FAM107B: variants seen among roughly 807,000 people sequenced by gnomAD.
The protein encoded by FAM107B is protein FAM107B.
FAM107B carries 21 observed loss-of-function variants against 31.5 expected under a neutral mutation model. The ratio of observed to expected loss-of-function variants is 0.67; its 90% CI spans 0.47 to 0.96. The LOEUF (loss-of-function observed/expected upper bound fraction) is 0.96. Among genes scored for constraint, FAM107B ranks in the 40% least tolerant of loss-of-function variants. The pLI is 0.00. For synonymous variants in FAM107B, 157 were observed against 141.5 expected (o/e 1.11, Z -0.78); for missense variants, 452 against 377.1 (o/e 1.20, Z -1.64).
At chr10:14,712,626 A>AGAAGAAG (rs1554851692) in intron 1 of FAM107B, among the ~76,000 whole-genome samples, 2 of 146,852 alleles carry the variant, frequency 1.4e-5, no homozygotes, top group Non-Finnish European at 3.0e-5. Flanking sequence ...AACAAAAAAA[A>AGAAGAAG]AAGAAGAAGA....
In FAM107B at chr10:14,625,012, G is replaced by A. The variant is rs187145627; in HGVS notation, c.469+42622C>T. Among the ~76,000 whole-genome samples the A allele has an allele frequency of 6.5e-4, 99 of 152,198 alleles. 1 individual carries two copies. Among genetic ancestry groups the A allele is most frequent in the African/African-American group, 2.3e-3 (97 of 41,524 alleles). ...GGCCTAGGCAGGTGGATCACTTGAG[G>A]TCAGGAGTTTGAGACCAGCCTGGCC... is the stretch of plus-strand genomic sequence containing the variant. On this transcript the variant is annotated intron_variant, in intron 2 of 4. Coordinates refer to ENST00000181796, the MANE Select transcript of FAM107B (RefSeq NM_031453.4).
intron 2 of FAM107B, among the ~76,000 whole-genome samples, chr10:14,664,083 G>T (rs896434377): frequency 6.6e-6 from 1 of 152,028 alleles, no homozygotes; most frequent in Admixed American, 6.6e-5. Flanking sequence ...GATTCCTCCA[G>T]CTGGGTTTCT....
intron 2 of FAM107B, among the ~76,000 whole-genome samples, chr10:14,539,409 T>C (rs1847954249): frequency 6.6e-6 from 1 of 152,178 alleles, no homozygotes; most frequent in African/African-American, 2.4e-5. Context: ...TTCAGCCTTG[T>C]ACCTCCCCAA....
chr10:14,744,020 T>A (rs989048048), intron 1 of FAM107B, among the ~76,000 whole-genome samples: 1 of 152,218 alleles, frequency 6.6e-6, no homozygotes, highest in Non-Finnish European at 1.5e-5. Flanking sequence ...GTGTTCTCTC[T>A]GATTTCTTTG....
At chr10:14,698,643 A>G (rs1174179443) in intron 1 of FAM107B, among the ~76,000 whole-genome samples, 1 of 152,210 alleles carries the variant, frequency 6.6e-6, no homozygotes, top group Non-Finnish European at 1.5e-5. Flanking sequence ...CCAAGGTCCT[A>G]CAGCTGTGAC....
chr10:14,681,273 T>C (rs185372062), intron 1 of FAM107B, among the ~76,000 whole-genome samples: 7 of 152,288 alleles, frequency 4.6e-5, no homozygotes, highest in Non-Finnish European at 7.4e-5. Context: ...CAGGTGACAC[T>C]AGTACACACT....
At chr10:14,555,840 A>C (rs1471458219) in intron 2 of FAM107B, 1 of 152,082 alleles carries the variant, frequency 6.6e-6, no homozygotes, top group East Asian at 1.9e-4. Flanking sequence ...GGCCTAGGCA[A>C]TCAGAGGTCC....
At chr10:14,606,872 C>T (rs1207823927) in intron 2 of FAM107B, among the ~76,000 whole-genome samples, 3 of 152,334 alleles carry the variant, frequency 2.0e-5, no homozygotes, top group Non-Finnish European at 4.4e-5. Flanking sequence ...GCCTTCAGAA[C>T]TGTGGGAAAA....
At chr10:14,713,815 G>A (rs975724395) in intron 1 of FAM107B, among the ~76,000 whole-genome samples, 1 of 152,220 alleles carries the variant, frequency 6.6e-6, no homozygotes, top group Admixed American at 6.5e-5. Flanking sequence ...TTAGGAAAAT[G>A]TGGTACATAT....
chr10:14,556,794 G>T lies in FAM107B; in HGVS notation c.470-26279C>A, dbSNP rs189602404. Among the ~76,000 whole-genome samples, 9 of 152,256 alleles carry T rather than the reference G, an allele frequency of 5.9e-5. No homozygotes were observed. The East Asian group carries it at 1.2e-3, about 20-fold the overall frequency. ...AAGCAGGAAACGTGCACTAAGAATG[G>T]ACTTTCCCCCCATGGGATTGTCAGG... On this transcript the variant is annotated intron_variant, in intron 2 of 4. Coordinates refer to ENST00000181796, the MANE Select transcript of FAM107B (RefSeq NM_031453.4).
intron 2 of FAM107B, among the ~76,000 whole-genome samples, chr10:14,540,913 C>A (rs916974555): frequency 6.6e-6 from 1 of 152,216 alleles, no homozygotes; most frequent in African/African-American, 2.4e-5. Flanking sequence ...AGGGCCTACA[C>A]TGTAGCAGAA....
Position 14,582,374 on chromosome 10 carries a change from T to C in FAM107B, c.470-51859A>G, listed in dbSNP as rs561844945. ...CCATGTTTGTTTTTGTTTTTTCTTTTCTTTTTTTTTTTTTTTTTTTGAGAC... is the reference window on the plus strand; with the variant it reads ...CCATGTTTGTTTTTGTTTTTTCTTTCCTTTTTTTTTTTTTTTTTTTGAGAC... On this transcript the variant is annotated intron_variant, in intron 2 of 4. Transcript: ENST00000181796. Among the ~76,000 whole-genome samples, 333 of 97,626 alleles carry C rather than the reference T, an allele frequency of 3.4e-3. 2 individuals are homozygous for C. Among genetic ancestry groups the C allele is most frequent in the African/African-American group, 0.011 (326 of 28,866 alleles). The allele number at this position is 97,626 out of a possible 152,430, so 64.0% of individuals were successfully genotyped here. A position where few individuals can be genotyped will look rare whatever the true frequency, so the allele number is the denominator to read the frequency against.
At chr10:14,638,088 A>G (rs117631428) in intron 2 of FAM107B, among the ~76,000 whole-genome samples, 3,116 of 152,296 alleles carry the variant, frequency 0.02, 38 homozygotes, top group Non-Finnish European at 0.033. Context: ...ATACTCTCCC[A>G]ACTCAGATGG....
chr10:14,550,330 A>G (rs1161366131), intron 2 of FAM107B, among the ~76,000 whole-genome samples: 1 of 152,172 alleles, frequency 6.6e-6, no homozygotes, highest in African/African-American at 2.4e-5. Flanking sequence ...GAGAACAACC[A>G]CCACCTACCA....
chr10:14,723,685 A>G (rs1855965675), intron 1 of FAM107B: 3 of 751,930 alleles, frequency 4.0e-6, no homozygotes. Context: ...GGGGTCAGTA[A>G]CCACAAGAAG....
Position 14,520,043 on chromosome 10 carries a change from A to T in FAM107B, c.*1147T>A, listed in dbSNP as rs1333567615. ...ATGCAATATAGTAGTCATCGACATC[A>T]TCCTTATCAACAGCATCATCACTCA... On this transcript the variant is annotated 3_prime_UTR_variant, in exon 5 of 5. Coordinates refer to ENST00000181796, the MANE Select transcript of FAM107B (RefSeq NM_031453.4). 6.6e-6 allele frequency: 1 copy of T among 152,654 alleles called. No homozygotes were observed. The highest frequency in any genetic ancestry group is 1.5e-5 in the Non-Finnish European group (1 of 68,044). 9.5% of individuals were successfully genotyped at this position (152,654 alleles called of 1,614,324 possible).
At chr10:14,623,096 T>C (rs1033146356) in intron 2 of FAM107B, among the ~76,000 whole-genome samples, 1 of 152,230 alleles carries the variant, frequency 6.6e-6, no homozygotes, top group African/African-American at 2.4e-5. Flanking sequence ...TCATGTTCAT[T>C]CTTGTCAAAG....
At chr10:14,750,518 G>T (rs11259305) in intron 1 of FAM107B, among the ~76,000 whole-genome samples, 1 of 152,008 alleles carries the variant, frequency 6.6e-6, no homozygotes, top group Admixed American at 6.6e-5. Context: ...AGCCTGAGGC[G>T]GGAGAATCGC....
intron 1 of FAM107B, among the ~76,000 whole-genome samples, chr10:14,751,660 T>A (rs1282642926): frequency 6.6e-6 from 1 of 151,970 alleles, no homozygotes; most frequent in South Asian, 2.1e-4. Flanking sequence ...GAGCCACTAC[T>A]CCCGGCCTCC....
Sources: gnomAD v4.1 joint callset for allele counts (sites outside exome capture counted in the v4.1 genomes callset) on GRCh38, gnomAD v4.1.1 for gene constraint, MANE v1.5 for transcripts, NCBI Gene and HGNC (gene_info 2026-07-23, HGNC 2026-07-21) for gene names.